SMARCA2: variants seen among roughly 807,000 people sequenced by gnomAD.
The protein encoded by SMARCA2 is SWI/SNF related BAF chromatin remodeling complex subunit ATPase 2.
Under a neutral mutation model 199.8 loss-of-function variants are expected in SMARCA2, and 61 were observed. That is an observed-to-expected ratio of 0.31 (90% CI 0.25 to 0.38). The LOEUF (loss-of-function observed/expected upper bound fraction) is 0.38. Among genes scored for constraint, SMARCA2 ranks in the 10% least tolerant of loss-of-function variants. The probability of loss-of-function intolerance (pLI) is 1.00; values close to 1 mark genes in which losing one functional copy is unlikely to be tolerated. For synonymous variants in SMARCA2, 935 were observed against 732.0 expected (o/e 1.28, Z -4.48); for missense variants, 1,344 against 2,012.2 (o/e 0.67, Z 6.35).
chr9:2,099,139 G>A (rs1026655891), intron 21 of SMARCA2, among the ~76,000 whole-genome samples: 2 of 152,110 alleles, frequency 1.3e-5, no homozygotes, highest in African/African-American at 4.8e-5. Context: ...AGGAGGACCA[G>A]CTTTTAAACA....
chr9:2,087,177 A>G (rs1368362300), intron 18 of SMARCA2, 106 bp downstream of exon 18: 10 of 1,375,004 alleles, frequency 7.3e-6, no homozygotes, highest in Non-Finnish European at 9.0e-6. Context: ...GGTGGTTTCC[A>G]CTGTTGTTTA....
intron 27 of SMARCA2, chr9:2,159,124 G>A: frequency 9.8e-7 from 1 of 1,015,674 alleles, no homozygotes; most frequent in Non-Finnish European, 1.4e-6. Flanking sequence ...CAGATTTAGA[G>A]ATTTAAAAGT....
intron 21 of SMARCA2, 108 bp from the exon 22 acceptor site, chr9:2,101,462 A>G: frequency 1.8e-6 from 1 of 548,300 alleles, no homozygotes; most frequent in Non-Finnish European, 3.2e-6. Flanking sequence ...TTCATTAATT[A>G]TTTTGTTTTA....
rs1563738511 is a variant in SMARCA2 at position 2,058,456 on chromosome 9, C to T, written c.1513C>T (p.Arg505Ter). ...TERIEKERMR[R>*]LMAEDEEGYR... ...GCGGATTGAAAAGGAGAGAATGCGG[C>T]GACTGATGGTAAGGAACTCCCTGCA... The change falls in exon 8 of 34, where the codon CGA becomes TGA. Residue 505 changes from arginine (R) to a stop codon, truncating the protein, a stop_gained. Coordinates refer to ENST00000349721, the MANE Select transcript of SMARCA2 (RefSeq NM_003070.5). LOFTEE classifies it high-confidence loss of function. The T allele has an allele frequency of 3.1e-6, 5 of 1,613,814 alleles. No homozygotes were observed. Among genetic ancestry groups the T allele is most frequent in the Non-Finnish European group, 4.2e-6 (5 of 1,179,884 alleles).
chr9:2,022,725 A>T (rs977854169), intron 1 of SMARCA2, among the ~76,000 whole-genome samples: 3 of 152,230 alleles, frequency 2.0e-5, no homozygotes, highest in African/African-American at 4.8e-5. Context: ...GCTGTTGTTG[A>T]TTCTTATCAA....
At chr9:2,191,524 A>G in intron 33 of SMARCA2, 116 bp downstream of exon 33, 1 of 1,125,096 alleles carries the variant, frequency 8.9e-7, no homozygotes, top group Non-Finnish European at 1.3e-6. Context: ...TGGAAATGTC[A>G]GGATTTAGTG....
intron 14 of SMARCA2, among the ~76,000 whole-genome samples, chr9:2,078,530 C>T (rs2130449821): frequency 6.6e-6 from 1 of 152,028 alleles, no homozygotes; most frequent in Non-Finnish European, 1.5e-5. Context: ...AAAATTAGGC[C>T]ATTGTTTTAT....
At chr9:2,178,310 C>G (rs1282452541) in intron 29 of SMARCA2, among the ~76,000 whole-genome samples, 1 of 152,194 alleles carries the variant, frequency 6.6e-6, no homozygotes, top group Non-Finnish European at 1.5e-5. Context: ...CAGAGCCATA[C>G]TTTCTAGCCT....
chr9:2,041,499 G>A, intron 4 of SMARCA2: 1 of 398,106 alleles, frequency 2.5e-6, no homozygotes, highest in Non-Finnish European at 4.4e-6. Flanking sequence ...CCAATTATGA[G>A]GACTCTACTC....
chr9:2,025,168 C>G (rs1205791220), intron 1 of SMARCA2, among the ~76,000 whole-genome samples: 1 of 152,130 alleles, frequency 6.6e-6, no homozygotes, highest in Non-Finnish European at 1.5e-5. Flanking sequence ...TTTAAAAACA[C>G]ACACTCTCTA....
intron 31 of SMARCA2, among the ~76,000 whole-genome samples, chr9:2,184,887 C>T (rs906003613): frequency 1.3e-5 from 2 of 152,152 alleles, no homozygotes; most frequent in African/African-American, 4.8e-5. Context: ...TTCTGTCATA[C>T]TCATACTCAC....
intron 22 of SMARCA2, among the ~76,000 whole-genome samples, chr9:2,101,941 A>G (rs544870566): frequency 1.3e-5 from 2 of 152,308 alleles, no homozygotes; most frequent in South Asian, 4.1e-4. Context: ...AAGAGAATGT[A>G]TCTTATTAAA....
chr9:2,098,368 G>A (rs542919228), intron 21 of SMARCA2, among the ~76,000 whole-genome samples: 6 of 152,282 alleles, frequency 3.9e-5, no homozygotes, highest in South Asian at 2.1e-4. Context: ...TCTTCTTTTC[G>A]AATATTCTTT....
chr9:2,111,323 A>G (rs1273371337), intron 24 of SMARCA2, among the ~76,000 whole-genome samples: 3 of 151,840 alleles, frequency 2.0e-5, no homozygotes, highest in Non-Finnish European at 4.4e-5. Context: ...CCCTGTCTCT[A>G]CAAAAAAATA....
chr9:2,143,214 A>G (rs1277483388), intron 27 of SMARCA2, among the ~76,000 whole-genome samples: 8 of 152,176 alleles, frequency 5.3e-5, no homozygotes, highest in Non-Finnish European at 1.0e-4. Flanking sequence ...TTCCAGGCCA[A>G]GGGAAGTATA....
chr9:2,130,542 G>A (rs1365108621), intron 27 of SMARCA2, among the ~76,000 whole-genome samples: 2 of 152,196 alleles, frequency 1.3e-5, no homozygotes, highest in African/African-American at 2.4e-5. Context: ...ACAAGGGATG[G>A]TTCTTTTAGA....
rs199817500 is a variant in SMARCA2 at position 2,161,646 on chromosome 9, C to T, written c.3982-40C>T. On this transcript the variant is annotated intron_variant, in intron 27 of 33. Transcript: ENST00000349721. This position sits in a 1 kb window ranked among gnomAD's most constrained non-coding sequence, Gnocchi z 4.7. ...ACATACTTTTTTTGTCTTGGTTATT[C>T]TCTTGTCTTGAATTTGTCTCCTTTG... is the stretch of plus-strand genomic sequence containing the variant. 316 of 1,406,152 alleles carry T rather than the reference C, an allele frequency of 2.2e-4. No homozygotes were observed. The African/African-American group carries it at 4.2e-3, about 18-fold the overall frequency. The allele number at this position is 1,406,152 out of a possible 1,614,324, so 87.1% of individuals were successfully genotyped here. A position where few individuals can be genotyped will look rare whatever the true frequency, so the allele number is the denominator to read the frequency against.
chr9:2,136,190 T>C (rs1055831376), intron 27 of SMARCA2, among the ~76,000 whole-genome samples: 6 of 150,706 alleles, frequency 4.0e-5, no homozygotes, highest in African/African-American at 9.7e-5. Context: ...CTGCTTCTTT[T>C]TTTTTTTTTT....
At chr9:2,075,753 G>A (rs1158410125) in intron 12 of SMARCA2, among the ~76,000 whole-genome samples, 1 of 152,148 alleles carries the variant, frequency 6.6e-6, no homozygotes, top group African/African-American at 2.4e-5. Flanking sequence ...TGCCTCCTGG[G>A]TTCAAGCGAT....
Sources: allele counts gnomAD v4.1 joint callset (sites outside exome capture counted in the v4.1 genomes callset), GRCh38; gene constraint gnomAD v4.1.1; non-coding constraint Gnocchi (gnomAD v3.1); transcripts MANE v1.5; gene names NCBI Gene and HGNC (gene_info 2026-07-23, HGNC 2026-07-21).